The following CWF19L1 variants were observed in gnomAD, a reference collection of about 807,000 sequenced individuals.
CWF19L1 encodes CWF19-like protein 1.
A neutral mutation model predicts 69.7 loss-of-function variants in CWF19L1; 60 were observed. That is an observed-to-expected ratio of 0.86 (90% CI 0.70 to 1.07). CWF19L1 has a LOEUF of 1.07. Among genes scored for constraint, CWF19L1 ranks in the 50% least tolerant of loss-of-function variants. CWF19L1 has a pLI of 0.00. For missense variants in CWF19L1, 591 were observed against 638.9 expected, an observed-to-expected ratio of 0.92 and a Z score of 0.81; for synonymous variants, 209 against 222.2, an observed-to-expected ratio of 0.94 and a Z score of 0.53.
At chr10:100,257,871 T>A (rs1257418909) in intron 4 of CWF19L1, among the ~76,000 whole-genome samples, 2 of 152,080 alleles carry the variant, frequency 1.3e-5, no homozygotes, top group Admixed American at 1.3e-4. Context: ...AATTTGATCC[T>A]CTTCTCAGCT....
intron 10 of CWF19L1, among the ~76,000 whole-genome samples, chr10:100,242,925 G>C (rs1410117510): frequency 6.6e-6 from 1 of 152,286 alleles, no homozygotes; most frequent in Admixed American, 6.5e-5. Context: ...ATTTATGAGA[G>C]AGGAAAAGAG....
intron 10 of CWF19L1, among the ~76,000 whole-genome samples, chr10:100,241,727 T>C (rs796522443): frequency 6.6e-6 from 1 of 152,332 alleles, no homozygotes; most frequent in East Asian, 1.9e-4. Context: ...GAAGGGCAAG[T>C]GAGGGTGAGA....
chr10:100,249,611 G>A (rs1215012319), intron 7 of CWF19L1, among the ~76,000 whole-genome samples: 2 of 151,996 alleles, frequency 1.3e-5, no homozygotes, highest in East Asian at 3.9e-4. Flanking sequence ...CCGAGACAGA[G>A]TCTCACTTTG....
intron 13 of CWF19L1, among the ~76,000 whole-genome samples, chr10:100,235,244 CAG>C (rs1296048306): frequency 6.6e-6 from 1 of 152,172 alleles, no homozygotes; most frequent in Non-Finnish European, 1.5e-5. Context: ...ACCTACCTTA[CAG>C]AGTTATGAAG....
chr10:100,248,102 C>T (rs898959157), intron 7 of CWF19L1, among the ~76,000 whole-genome samples: 1 of 152,096 alleles, frequency 6.6e-6, no homozygotes, highest in Non-Finnish European at 1.5e-5. Context: ...ATAAAACAGA[C>T]TGAAAATACT....
At chr10:100,248,881 G>A in intron 7 of CWF19L1, 1 of 1,020,778 alleles carries the variant, frequency 9.8e-7, no homozygotes, top group East Asian at 2.4e-5. Context: ...GCAGAAAAAG[G>A]CAGCCATCAT....
chr10:100,236,812 A>G (rs1564848938), intron 12 of CWF19L1, 38 bp downstream of exon 12: 1 of 1,548,826 alleles, frequency 6.5e-7, no homozygotes, highest in Admixed American at 2.1e-5. Context: ...AAAAACAGAT[A>G]TTTACTCTTC....
intron 10 of CWF19L1, among the ~76,000 whole-genome samples, chr10:100,238,880 C>T (rs1273008835): frequency 2.0e-5 from 3 of 147,398 alleles, no homozygotes; most frequent in African/African-American, 5.1e-5. Flanking sequence ...TGCAGTGAGC[C>T]GAGATCGCGC....
At position 100,262,005 on chromosome 10, in the gene CWF19L1, T is replaced by C. The variant is rs367578054; in HGVS notation, c.82A>G (p.Ile28Val). The change falls in exon 2 of 14, where the codon ATT becomes GTT. Residue 28 changes from isoleucine (I) to valine (V), a missense_variant. This residue lies in a region of CWF19L1 where 129 missense variants were observed against 131.3 expected (regional missense o/e 0.98). Transcript: ENST00000354105. ...FDILFNRVQA[I>V]QKKSGNFDLL... The stretch of plus-strand genomic sequence containing the variant: ...TCAAAGTTTCCACTTTTCTTCTGAA[T>C]TGCTTGAACTCTATTGAATAAAATA... 1.2e-6 allele frequency: 2 copies of C among 1,606,092 alleles called. No individual in the cohort carries two copies. Among genetic ancestry groups the C allele is most frequent in the Admixed American group, 3.5e-5 (2 of 57,532 alleles).
chr10:100,245,990 G>C, intron 8 of CWF19L1, 77 bp from the exon 9 acceptor site: 1 of 1,040,058 alleles, frequency 9.6e-7, no homozygotes, highest in Non-Finnish European at 1.5e-6. Context: ...CACATACAAG[G>C]GAACATTCCT....
intron 10 of CWF19L1, among the ~76,000 whole-genome samples, chr10:100,242,224 C>T (rs1846659824): frequency 6.6e-6 from 1 of 152,168 alleles, no homozygotes; most frequent in Non-Finnish European, 1.5e-5. Context: ...ACCATATCAT[C>T]ATCATCTTGG....
intron 3 of CWF19L1, 124 bp from the exon 4 acceptor site, chr10:100,260,443 T>C: frequency 1.8e-6 from 1 of 561,902 alleles, no homozygotes; most frequent in Non-Finnish European, 3.1e-6. Context: ...ACATTCCCCA[T>C]ATTTAGCAAT....
At chr10:100,252,882 T>G (rs1847088380) in intron 6 of CWF19L1, among the ~76,000 whole-genome samples, 2 of 150,546 alleles carry the variant, frequency 1.3e-5, no homozygotes, top group African/African-American at 5.0e-5. Flanking sequence ...TTCCCTCTCA[T>G]TTATTTTTAA....
chr10:100,235,816 T>A, intron 12 of CWF19L1, 52 bp from the exon 13 acceptor site: 1 of 1,263,480 alleles, frequency 7.9e-7, no homozygotes, highest in South Asian at 1.2e-5. Flanking sequence ...TAAAAATCTA[T>A]AATCTGAGTT....
At chr10:100,246,738 AAACTAT>A in intron 8 of CWF19L1, 51 bp downstream of exon 8, 2 of 1,521,998 alleles carry the variant, frequency 1.3e-6, no homozygotes, top group Non-Finnish European at 1.8e-6. Flanking sequence ...CTTATGTACT[AAACTAT>A]AACTAGGAAA....
rs115721832 is a variant in CWF19L1, at chr10:100,262,921, C to T, written c.24-858G>A. 2.9e-3 allele frequency among the ~76,000 whole-genome samples: 423 copies of T among 146,662 alleles called. 3 individuals carry two copies. The highest frequency in any genetic ancestry group is 0.011 in the African/African-American group (405 of 36,778). ...TCTGGCGTGCTTTTATTGTACACCT[C>T]GCCAAACTTTTTTTTTTTCTTTTTC... On this transcript the variant is annotated intron_variant, in intron 1 of 13. Coordinates refer to ENST00000354105, the MANE Select transcript of CWF19L1 (RefSeq NM_018294.6).
At chr10:100,253,763 C>G (rs1472781746) in intron 5 of CWF19L1, 1 of 426,220 alleles carries the variant, frequency 2.3e-6, no homozygotes, top group African/African-American at 2.0e-5. Flanking sequence ...CTGTTGGAAG[C>G]CAGAGATTAA....
At chr10:100,253,273 G>A (rs1847101683) in intron 6 of CWF19L1, 148 bp downstream of exon 6, 3 of 564,864 alleles carry the variant, frequency 5.3e-6, no homozygotes, top group Non-Finnish European at 9.5e-6. Context: ...ACTCAGAGAA[G>A]ATGAATGACT....
At chr10:100,263,804 A>G (rs1847481330) in intron 1 of CWF19L1, among the ~76,000 whole-genome samples, 1 of 152,210 alleles carries the variant, frequency 6.6e-6, no homozygotes, top group African/African-American at 2.4e-5. Flanking sequence ...ATAAACCCTG[A>G]ATCCCTAAAC....
Sources: gnomAD v4.1 joint callset for allele counts (sites outside exome capture counted in the v4.1 genomes callset) on GRCh38, gnomAD v4.1.1 for gene constraint, gnomAD v4.1.1 regional missense constraint, MANE v1.5 for transcripts, NCBI Gene and HGNC (gene_info 2026-07-23, HGNC 2026-07-21) for gene names.